GPC6: variants seen among roughly 807,000 people sequenced by gnomAD.
GPC6 encodes the protein glypican 6.
Under a neutral mutation model 55.2 loss-of-function variants are expected in GPC6, and 14 were observed. The observed-to-expected ratio is 0.25, with a 90% CI of 0.17 to 0.40. The LOEUF is 0.40. Among genes scored for constraint, GPC6 ranks in the 10% least tolerant of loss-of-function variants. The pLI is 1.00. For synonymous variants in GPC6, 278 were observed against 259.6 expected (o/e 1.07, Z -0.68); for missense variants, 641 against 708.5 (o/e 0.90, Z 1.08).
intron 1 of GPC6, among the ~76,000 whole-genome samples, chr13:93,376,666 A>G (rs1378274218): frequency 6.6e-6 from 1 of 152,126 alleles, no homozygotes; most frequent in Non-Finnish European, 1.5e-5. Context: ...CCTAATTACC[A>G]TGTGATTTTG....
chr13:93,714,090 A>G (rs1360848129), intron 2 of GPC6, among the ~76,000 whole-genome samples: 2 of 151,958 alleles, frequency 1.3e-5, no homozygotes, highest in Non-Finnish European at 2.9e-5. Context: ...GACAAGTGGG[A>G]CCTAATTAAA....
chr13:93,670,199 G>C (rs937315978), intron 2 of GPC6, among the ~76,000 whole-genome samples: 3 of 152,122 alleles, frequency 2.0e-5, no homozygotes, highest in Admixed American at 2.0e-4. Flanking sequence ...ATGTAACAGA[G>C]TGACACCCAG....
At chr13:93,656,497 A>G (rs1278362760) in intron 2 of GPC6, among the ~76,000 whole-genome samples, 1 of 152,104 alleles carries the variant, frequency 6.6e-6, no homozygotes, top group African/African-American at 2.4e-5. Flanking sequence ...ATATTTCTAC[A>G]TATGGTTTGT....
intron 1 of GPC6, among the ~76,000 whole-genome samples, chr13:93,481,546 T>C (rs373654922): frequency 6.6e-6 from 1 of 152,170 alleles, no homozygotes; most frequent in East Asian, 1.9e-4. Context: ...TGAGTGTTTA[T>C]AGTTTTAGCT....
At position 93,789,598 on chromosome 13, in the gene GPC6, CATATAT is replaced by C. The variant is rs755185604; in HGVS notation, c.320-40514_320-40509del. ...TAAATACTATATATATATAATACTA[CATATAT>C]ATATATATATATATATATATATATA... On this transcript the variant is annotated intron_variant, in intron 2 of 8. Transcript: ENST00000377047. Among the ~76,000 whole-genome samples the C allele has an allele frequency of 5.1e-3, 343 of 67,540 alleles. 1 individual carries two copies. The highest frequency in any genetic ancestry group is 5.6e-3 in the Non-Finnish European group (196 of 34,904). 44.3% of individuals were successfully genotyped at this position (67,540 alleles called of 152,430 possible). A position where few individuals can be genotyped will look rare whatever the true frequency, so the allele number is the denominator to read the frequency against.
intron 6 of GPC6, among the ~76,000 whole-genome samples, chr13:94,371,662 A>G (rs1879547473): frequency 6.6e-6 from 1 of 152,152 alleles, no homozygotes; most frequent in Non-Finnish European, 1.5e-5. Context: ...AGCAGTTGCC[A>G]TGTGCCCTGA....
At chr13:94,300,501 G>A (rs1875592184) in intron 5 of GPC6, among the ~76,000 whole-genome samples, 1 of 152,084 alleles carries the variant, frequency 6.6e-6, no homozygotes, top group Non-Finnish European at 1.5e-5. Context: ...CTATCCTAAT[G>A]TCAGCTTCTT....
At position 93,992,392 on chromosome 13, in the gene GPC6, A is replaced by G. The variant is rs189239467; in HGVS notation, c.712-35337A>G. Among the ~76,000 whole-genome samples, 43 of 152,248 alleles carry G rather than the reference A, an allele frequency of 2.8e-4. 2 individuals carry two copies. Among genetic ancestry groups the G allele is most frequent in the South Asian group, 2.1e-3 (10 of 4,822 alleles). The stretch of plus-strand genomic sequence containing the variant: ...GGTAGAGCTGGTTCCTTCACATAGA[A>G]GTATAGCTTGTTTGATTAGGTCAAT... On this transcript the variant is annotated intron_variant, in intron 3 of 8. Transcript: ENST00000377047.
chr13:93,467,156 C>A (rs545629491), intron 1 of GPC6, among the ~76,000 whole-genome samples: 2 of 152,230 alleles, frequency 1.3e-5, no homozygotes, highest in South Asian at 4.1e-4. Context: ...TTTCTTTCTG[C>A]ATAATAATTT....
chr13:93,966,910 C>G (rs1181465109), intron 3 of GPC6, among the ~76,000 whole-genome samples: 1 of 152,062 alleles, frequency 6.6e-6, no homozygotes, highest in African/African-American at 2.4e-5. Context: ...CTGCCTAGAC[C>G]TTTCAAAGTG....
Position 93,611,088 on chromosome 13 carries a change from A to G in GPC6, c.319+65667A>G, listed in dbSNP as rs1269944191. On this transcript the variant is annotated intron_variant, in intron 2 of 8. Coordinates refer to ENST00000377047, the MANE Select transcript of GPC6 (RefSeq NM_005708.5). ...CATGTTTTCCTGTTTAAAAGAGTCTAAAATCTCACCACTTGCAAACGAAGT... is the reference window on the plus strand; with the variant it reads ...CATGTTTTCCTGTTTAAAAGAGTCTGAAATCTCACCACTTGCAAACGAAGT... Among the ~76,000 whole-genome samples, 5 of 152,304 alleles carry G rather than the reference A, an allele frequency of 3.3e-5. No homozygotes were observed. In the East Asian group the frequency reaches 5.8e-4, roughly 18 times the overall value.
chr13:93,265,622 A>T (rs1376838614), intron 1 of GPC6, among the ~76,000 whole-genome samples: 2 of 152,174 alleles, frequency 1.3e-5, no homozygotes, highest in African/African-American at 4.8e-5. Flanking sequence ...AAAAAATCTG[A>T]AATTTGAAAG....
intron 2 of GPC6, among the ~76,000 whole-genome samples, chr13:93,569,439 C>A (rs941223624): frequency 1.3e-5 from 2 of 151,936 alleles, no homozygotes; most frequent in Non-Finnish European, 2.9e-5. Flanking sequence ...AAGAGAATTT[C>A]AATCAACTTC....
chr13:93,236,602 T>C (rs1876242499), intron 1 of GPC6, among the ~76,000 whole-genome samples: 1 of 152,180 alleles, frequency 6.6e-6, no homozygotes. Flanking sequence ...GAACTGTGCA[T>C]GCGAGGGATG....
intron 2 of GPC6, among the ~76,000 whole-genome samples, chr13:93,565,375 A>AT (rs1233725892): frequency 6.6e-6 from 1 of 152,238 alleles, no homozygotes; most frequent in African/African-American, 2.4e-5. Context: ...CATTGCTTAT[A>AT]TGGCAACATT....
intron 4 of GPC6, among the ~76,000 whole-genome samples, chr13:94,073,498 G>A (rs2138785990): frequency 6.6e-6 from 1 of 152,252 alleles, no homozygotes; most frequent in East Asian, 1.9e-4. Flanking sequence ...CAGCTCTAGG[G>A]GTAGTACTGG....
intron 2 of GPC6, among the ~76,000 whole-genome samples, chr13:93,768,617 A>G (rs898310301): frequency 6.6e-6 from 1 of 152,128 alleles, no homozygotes; most frequent in Non-Finnish European, 1.5e-5. Flanking sequence ...GCATGAGTAA[A>G]AGTGTGAGGA....
intron 4 of GPC6, among the ~76,000 whole-genome samples, chr13:94,286,098 C>T (rs1035618928): frequency 2.0e-5 from 3 of 152,184 alleles, no homozygotes; most frequent in African/African-American, 7.2e-5. Flanking sequence ...ATATATTTAA[C>T]ATTCTGCATT....
chr13:93,677,294 T>C (rs1050718959), intron 2 of GPC6, among the ~76,000 whole-genome samples: 1 of 152,306 alleles, frequency 6.6e-6, no homozygotes, highest in African/African-American at 2.4e-5. Context: ...TGTATCGTTC[T>C]TCTTATAAGT....
Sources: allele counts gnomAD v4.1 joint callset (sites outside exome capture counted in the v4.1 genomes callset), GRCh38; gene constraint gnomAD v4.1.1; transcripts MANE v1.5; gene names NCBI Gene and HGNC (gene_info 2026-07-23, HGNC 2026-07-21).